TENM4: variants seen among roughly 807,000 people sequenced by gnomAD.
TENM4 encodes the protein teneurin transmembrane protein 4, also known as teneurin-4.
A neutral mutation model predicts 243.3 loss-of-function variants in TENM4; 82 were observed. The ratio of observed to expected loss-of-function variants is 0.34; its 90% CI spans 0.28 to 0.40. The LOEUF is 0.40. Ranked by LOEUF, TENM4 falls within the 10% of genes least tolerant of loss-of-function variation. The pLI is 1.00. For missense variants in TENM4, 3,138 were observed against 3,673.3 expected, an observed-to-expected ratio of 0.85 and a Z score of 3.77; for synonymous variants, 1,412 against 1,456.3, an observed-to-expected ratio of 0.97 and a Z score of 0.69.
chr11:79,304,097 G>A (rs896544426), intron 1 of TENM4, among the ~76,000 whole-genome samples: 1 of 152,216 alleles, frequency 6.6e-6, no homozygotes, highest in Non-Finnish European at 1.5e-5. Flanking sequence ...CCTACCAGGA[G>A]GGCTGAGGCT....
chr11:78,950,704 T>G (rs1353411516), intron 6 of TENM4, among the ~76,000 whole-genome samples: 3 of 152,240 alleles, frequency 2.0e-5, no homozygotes, highest in Non-Finnish European at 4.4e-5. Context: ...TTCACATATA[T>G]TATTTCACAT....
At chr11:78,780,845 G>C (rs1158434633) in intron 16 of TENM4, among the ~76,000 whole-genome samples, 1 of 152,214 alleles carries the variant, frequency 6.6e-6, no homozygotes, top group Non-Finnish European at 1.5e-5. Context: ...CAGTGGAAAT[G>C]ATGGAGGCAG....
intron 6 of TENM4, among the ~76,000 whole-genome samples, chr11:78,904,742 A>G (rs944601042): frequency 1.3e-5 from 2 of 152,230 alleles, no homozygotes; most frequent in Non-Finnish European, 2.9e-5. Flanking sequence ...TCACCAATTT[A>G]TAGATGAAAA....
chr11:79,154,107 G>A (rs1006596899), intron 3 of TENM4, among the ~76,000 whole-genome samples: 45 of 151,322 alleles, frequency 3.0e-4, no homozygotes, highest in Admixed American at 3.3e-4. Context: ...TGGCTTTTGT[G>A]TTGCTATAAA....
intron 12 of TENM4, among the ~76,000 whole-genome samples, chr11:78,827,322 GC>G (rs1452252930): frequency 6.6e-6 from 1 of 151,904 alleles, no homozygotes; most frequent in African/African-American, 2.4e-5. Flanking sequence ...TCTTTCTCAT[GC>G]CCTCTTTGTG....
chr11:79,437,037 G>C (rs1450184633), intron 1 of TENM4, among the ~76,000 whole-genome samples: 2 of 152,132 alleles, frequency 1.3e-5, no homozygotes, highest in Non-Finnish European at 2.9e-5. Flanking sequence ...AAGGACCTAC[G>C]GCACACAGGT....
Position 78,805,478 on chromosome 11 carries a change from G to T in TENM4, c.1993C>A (p.Pro665Thr). The change falls in exon 15 of 34, where the codon CCC becomes ACC. Residue 665 changes from proline to threonine, a missense_variant. Physicochemically the swap from Pro to Thr is conservative, Grantham distance 38. Coordinates refer to ENST00000278550, the MANE Select transcript of TENM4 (RefSeq NM_001098816.3). ...CAGACACCCCGGCCTGAACATGTGGGGTCCATGCAGTCCACTGTGAGATGG... is the reference window on the plus strand; with the variant it reads ...CAGACACCCCGGCCTGAACATGTGGTGTCCATGCAGTCCACTGTGAGATGG... Reference protein sequence around the residue: ...ESCEEVDCMDPTCSGRGVCVR... With the variant: ...ESCEEVDCMDTTCSGRGVCVR... 6.3e-7 allele frequency: 1 copy of T among 1,580,920 alleles called. No homozygotes were observed. The highest frequency in any genetic ancestry group is 2.3e-5 in the East Asian group (1 of 43,082).
At chr11:79,193,927 G>A (rs1384300488) in intron 3 of TENM4, among the ~76,000 whole-genome samples, 1 of 152,108 alleles carries the variant, frequency 6.6e-6, no homozygotes, top group African/African-American at 2.4e-5. Context: ...TGGGAGTGGA[G>A]AGCAGGGGTA....
At chr11:79,198,715 G>A (rs1280782194) in intron 3 of TENM4, among the ~76,000 whole-genome samples, 1 of 152,192 alleles carries the variant, frequency 6.6e-6, no homozygotes, top group African/African-American at 2.4e-5. Flanking sequence ...ATGTATTGGG[G>A]ACCTACTCTG....
At chr11:79,233,893 G>C (rs1051350925) in intron 2 of TENM4, among the ~76,000 whole-genome samples, 3 of 152,308 alleles carry the variant, frequency 2.0e-5, no homozygotes, top group South Asian at 4.2e-4. Context: ...CTTTCAATAG[G>C]TTGTACTGAA....
At chr11:79,375,918 G>A (rs7947802) in intron 1 of TENM4, among the ~76,000 whole-genome samples, 1 of 152,086 alleles carries the variant, frequency 6.6e-6, no homozygotes, top group Admixed American at 6.5e-5. Context: ...CAGTGGGAGG[G>A]GAGGAAAGCA....
At chr11:78,782,372 T>C (rs1044766805) in intron 16 of TENM4, among the ~76,000 whole-genome samples, 1 of 152,066 alleles carries the variant, frequency 6.6e-6, no homozygotes, top group African/African-American at 2.4e-5. Flanking sequence ...CCGAGGCAGG[T>C]GGATCACCTG....
chr11:79,263,660 T>C (rs1449676744), intron 2 of TENM4, among the ~76,000 whole-genome samples: 1 of 152,194 alleles, frequency 6.6e-6, no homozygotes, highest in Non-Finnish European at 1.5e-5. Context: ...GGTTTGCCCC[T>C]AAATGTCCAG....
rs56026926 is a variant in TENM4 at position 78,704,159 on chromosome 11, C to CTATATATATATA, written c.4210-1768_4210-1757dup. ...TATGTCTATGTGTATGTATGTGTGT[C>CTATATATATATA]TATATATATATATATATATATATAT... is the stretch of plus-strand genomic sequence containing the variant. On this transcript the variant is annotated intron_variant, in intron 27 of 33. Coordinates refer to ENST00000278550, the MANE Select transcript of TENM4 (RefSeq NM_001098816.3). Among the ~76,000 whole-genome samples the CTATATATATATA allele has an allele frequency of 4.0e-3, 429 of 105,946 alleles. 4 individuals carry two copies. Among genetic ancestry groups the CTATATATATATA allele is most frequent in the South Asian group, 9.0e-3 (26 of 2,894 alleles). 69.5% of individuals were successfully genotyped at this position (105,946 alleles called of 152,430 possible).
chr11:79,380,777 G>A (rs1432045035), intron 1 of TENM4, among the ~76,000 whole-genome samples: 1 of 152,158 alleles, frequency 6.6e-6, no homozygotes, highest in East Asian at 1.9e-4. Flanking sequence ...TCATTCTTAC[G>A]GAAAGGCAAT....
intron 6 of TENM4, among the ~76,000 whole-genome samples, chr11:78,992,806 C>G (rs1217803351): frequency 6.6e-6 from 1 of 152,176 alleles, no homozygotes; most frequent in Non-Finnish European, 1.5e-5. Flanking sequence ...ATTTACTTAG[C>G]TCTTTGCCCT....
chr11:79,263,225 G>A (rs1165678555), intron 2 of TENM4, among the ~76,000 whole-genome samples: 1 of 152,228 alleles, frequency 6.6e-6, no homozygotes, highest in Admixed American at 6.5e-5. Context: ...GGCCCCGTCA[G>A]GGCTCTGCTC....
At chr11:79,020,327 T>C (rs1858895479) in intron 6 of TENM4, among the ~76,000 whole-genome samples, 1 of 152,214 alleles carries the variant, frequency 6.6e-6, no homozygotes, top group South Asian at 2.1e-4. Context: ...TTTCCAAATG[T>C]TGAGCTCATG....
At chr11:78,753,713 C>CG (rs761633782) in intron 19 of TENM4, among the ~76,000 whole-genome samples, 6 of 141,632 alleles carry the variant, frequency 4.2e-5, no homozygotes, top group African/African-American at 1.3e-4. Context: ...TTTACAGTAA[C>CG]TTTTTTTTTT....
Sources: allele counts gnomAD v4.1 joint callset (sites outside exome capture counted in the v4.1 genomes callset), GRCh38; gene constraint gnomAD v4.1.1; transcripts MANE v1.5; gene names NCBI Gene and HGNC (gene_info 2026-07-23, HGNC 2026-07-21).